MAML2: variants seen among roughly 807,000 people sequenced by gnomAD.
MAML2 encodes the protein mastermind-like protein 2.
MAML2 carries 22 observed loss-of-function variants against 96.1 expected under a neutral mutation model. That is an observed-to-expected ratio of 0.23 (90% CI 0.16 to 0.33). The LOEUF (loss-of-function observed/expected upper bound fraction) is 0.33, where lower values mean the gene tolerates loss of function less well. MAML2 is among the 10% of genes least tolerant of loss of function. The pLI is 1.00. For synonymous variants in MAML2, 561 were observed against 521.3 expected, an observed-to-expected ratio of 1.08 and a Z score of -1.04; for missense variants, 1,367 against 1,392.4, an observed-to-expected ratio of 0.98 and a Z score of 0.29.
chr11:96,227,182 G>T lies in MAML2; in HGVS notation c.513+114201C>A, dbSNP rs532639239. Reference sequence around the variant, plus strand: ...AAGCATGTGCCCCTTTCTTCGGGAAGTTCTCCTTGACTCCCTAAAATTATA... The same window carrying T: ...AAGCATGTGCCCCTTTCTTCGGGAATTTCTCCTTGACTCCCTAAAATTATA... On this transcript the variant is annotated intron_variant, in intron 1 of 4. Transcript: ENST00000524717. Among the ~76,000 whole-genome samples the T allele has an allele frequency of 3.2e-4, 48 of 152,166 alleles. 1 individual carries two copies. The highest frequency in any genetic ancestry group is 3.8e-4 in the Non-Finnish European group (26 of 68,024).
At chr11:96,029,210 T>C (rs1257055298) in intron 2 of MAML2, among the ~76,000 whole-genome samples, 1 of 151,792 alleles carries the variant, frequency 6.6e-6, no homozygotes, top group Non-Finnish European at 1.5e-5. Context: ...AAAAAAACTT[T>C]GTTGAAGGAC....
intron 1 of MAML2, among the ~76,000 whole-genome samples, chr11:96,214,243 T>G (rs571319821): frequency 6.6e-6 from 1 of 152,340 alleles, no homozygotes; most frequent in African/African-American, 2.4e-5. Context: ...ATAGGTCTTT[T>G]GAGGCCATGC....
chr11:95,991,735 A>G lies in MAML2; in HGVS notation c.2140-12T>C, dbSNP rs2135709818. 2 of 1,609,878 alleles carry G rather than the reference A, an allele frequency of 1.2e-6. No individual in the cohort carries two copies. The highest frequency in any genetic ancestry group is 4.5e-5 in the East Asian group (2 of 44,846). ...ACAGAGTGTTGATCCTAAAGAAGAGAAAGGGGGAAGGAAAAGCTACTGTGA... is the reference window on the plus strand; with the variant it reads ...ACAGAGTGTTGATCCTAAAGAAGAGGAAGGGGGAAGGAAAAGCTACTGTGA... On this transcript the variant is annotated splice_polypyrimidine_tract_variant and intron_variant, in intron 2 of 4. Transcript: ENST00000524717.
At chr11:95,987,931 C>T (rs1222901275) in intron 3 of MAML2, among the ~76,000 whole-genome samples, 1 of 152,150 alleles carries the variant, frequency 6.6e-6, no homozygotes, top group Non-Finnish European at 1.5e-5. Context: ...TAAGAAACAG[C>T]TTGAGATGTT....
intron 1 of MAML2, among the ~76,000 whole-genome samples, chr11:96,100,344 C>G (rs183811658): frequency 9.2e-4 from 139 of 151,410 alleles, no homozygotes; most frequent in African/African-American, 3.2e-3. Context: ...GAGTCTCACT[C>G]TCTCGCCCAG....
chr11:96,306,789 G>T (rs931709793), intron 1 of MAML2, among the ~76,000 whole-genome samples: 2 of 152,154 alleles, frequency 1.3e-5, no homozygotes, highest in Non-Finnish European at 2.9e-5. Flanking sequence ...TTACTTGAGA[G>T]CACACCATTC....
intron 2 of MAML2, among the ~76,000 whole-genome samples, chr11:96,070,087 C>T (rs1034790657): frequency 2.0e-5 from 3 of 149,804 alleles, no homozygotes; most frequent in East Asian, 2.0e-4. Flanking sequence ...GTCAGGAGAT[C>T]GAGACCATCC....
chr11:96,318,541 G>C (rs1323195105), intron 1 of MAML2, among the ~76,000 whole-genome samples: 1 of 152,072 alleles, frequency 6.6e-6, no homozygotes, highest in Non-Finnish European at 1.5e-5. Context: ...GGCAGATAAA[G>C]AAAACAGATA....
Position 96,085,840 on chromosome 11 carries a change from A to C in MAML2, c.2139+6052T>G, listed in dbSNP as rs1859601468. On this transcript the variant is annotated intron_variant, in intron 2 of 4. Transcript: ENST00000524717. The stretch of plus-strand genomic sequence containing the variant: ...TTCTTGTTATTGTGTTCATTTCTTT[A>C]TGGAGGGAAAGAGGAGTTAATTGTT... Among the ~76,000 whole-genome samples the C allele has an allele frequency of 2.0e-5, 3 of 152,286 alleles. No individual in the cohort carries two copies. In the South Asian group the frequency reaches 6.2e-4, roughly 32 times the overall value.
intron 1 of MAML2, among the ~76,000 whole-genome samples, chr11:96,241,409 C>T (rs562073057): frequency 2.0e-5 from 3 of 152,188 alleles, no homozygotes; most frequent in South Asian, 4.1e-4. Context: ...TGGTCCTTGA[C>T]AGGGGGTGAT....
At chr11:96,243,388 G>C (rs1257139854) in intron 1 of MAML2, among the ~76,000 whole-genome samples, 2 of 152,216 alleles carry the variant, frequency 1.3e-5, no homozygotes, top group African/African-American at 4.8e-5. Context: ...TCCTGCTAGA[G>C]GAGGCCAGCT....
chr11:96,084,417 T>C (rs1257541137), intron 2 of MAML2, among the ~76,000 whole-genome samples: 2 of 152,068 alleles, frequency 1.3e-5, no homozygotes, highest in African/African-American at 2.4e-5. Flanking sequence ...GCAGGAACAA[T>C]GGTCAGAAGC....
At chr11:96,249,244 C>T (rs1862551647) in intron 1 of MAML2, among the ~76,000 whole-genome samples, 1 of 152,204 alleles carries the variant, frequency 6.6e-6, no homozygotes, top group Admixed American at 6.5e-5. Context: ...TGTCTCCTTT[C>T]TGCTTCCACT....
intron 1 of MAML2, among the ~76,000 whole-genome samples, chr11:96,295,791 A>G (rs1863287982): frequency 6.6e-6 from 1 of 150,934 alleles, no homozygotes; most frequent in Non-Finnish European, 1.5e-5. Flanking sequence ...ACAATAAAGA[A>G]GTAGCTTCCA....
intron 1 of MAML2, among the ~76,000 whole-genome samples, chr11:96,228,975 A>AAC (rs1380223570): frequency 6.6e-6 from 1 of 150,610 alleles, no homozygotes; most frequent in East Asian, 1.9e-4. Context: ...AGTTGAACAA[A>AAC]AAAAAAATGC....
At chr11:96,200,149 C>G (rs537321687) in intron 1 of MAML2, among the ~76,000 whole-genome samples, 1 of 152,168 alleles carries the variant, frequency 6.6e-6, no homozygotes, top group African/African-American at 2.4e-5. Flanking sequence ...GAACCTTAGT[C>G]CGAACAGATG....
At chr11:95,987,879 G>GTTTT (rs1257160575) in intron 3 of MAML2, among the ~76,000 whole-genome samples, 1 of 152,178 alleles carries the variant, frequency 6.6e-6, no homozygotes, top group Non-Finnish European at 1.5e-5. Context: ...GGAAAAAGTG[G>GTTTT]TTGGTGAAAT....
At chr11:96,058,504 GA>G (rs1219008933) in intron 2 of MAML2, among the ~76,000 whole-genome samples, 1 of 152,192 alleles carries the variant, frequency 6.6e-6, no homozygotes, top group African/African-American at 2.4e-5. Context: ...ATTTTTAGTA[GA>G]GATGGAGGTT....
intron 1 of MAML2, among the ~76,000 whole-genome samples, chr11:96,263,057 T>C (rs1300758626): frequency 2.0e-5 from 3 of 152,246 alleles, no homozygotes; most frequent in East Asian, 3.8e-4. Context: ...CCAGTTTATA[T>C]AGTTGATTGG....
Sources: gnomAD v4.1 joint callset for allele counts (sites outside exome capture counted in the v4.1 genomes callset) on GRCh38, gnomAD v4.1.1 for gene constraint, MANE v1.5 for transcripts, NCBI Gene and HGNC (gene_info 2026-07-23, HGNC 2026-07-21) for gene names.